The following DST variants were observed in gnomAD, a reference collection of about 807,000 sequenced individuals.
The protein encoded by DST is dystonin.
Under a neutral mutation model 875.2 loss-of-function variants are expected in DST, and 253 were observed. The ratio of observed to expected loss-of-function variants is 0.29; its 90% CI spans 0.26 to 0.32. The LOEUF (loss-of-function observed/expected upper bound fraction) is 0.32, where lower values mean the gene tolerates loss of function less well. Among genes scored for constraint, DST ranks in the 10% least tolerant of loss-of-function variants. The probability of loss-of-function intolerance (pLI) is 1.00; values close to 1 mark genes in which losing one functional copy is unlikely to be tolerated. For synonymous variants in DST, 3,124 were observed against 3,197.1 expected, an observed-to-expected ratio of 0.98 and a Z score of 0.77; for missense variants, 8,287 against 9,111.6, an observed-to-expected ratio of 0.91 and a Z score of 3.68.
Position 56,572,165 on chromosome 6 carries a change from C to A in DST, c.13656G>T (p.Leu4552Phe). 6.5e-7 allele frequency: 1 copy of A among 1,547,738 alleles called. No homozygotes were observed. The highest frequency in any genetic ancestry group is 1.4e-5 in the African/African-American group (1 of 73,728). The change falls in exon 53 of 104, where the codon TTG becomes TTT. Residue 4552 changes from leucine to phenylalanine, a missense_variant. Coordinates refer to ENST00000680361, the MANE Select transcript of DST (RefSeq NM_001374736.1). ...SSHGLPSDKA[L>F]VLEKTNNLSK... ...ACAAATTATTTGTTTTTTCAAGGAC[C>A]AAAGCCTTATCACTTGGTAAGCCAT...
rs187669128 is a variant in DST, at chr6:56,646,090, T to C, written c.1647A>G (p.Leu549=). The change falls in exon 14 of 104, where the codon TTA becomes TTG. Residue 549 remains leucine, a synonymous_variant. Coordinates refer to ENST00000680361, the MANE Select transcript of DST (RefSeq NM_001374736.1). The stretch of plus-strand genomic sequence containing the variant: ...TACAAAGCAAATTTGAGCTTACCTC[T>C]AATAATTTATATAGACGTTTAATTT... The part of the protein sequence containing the change: ...KSKIKRLYKL[L]EIWIEFGRIK... The C allele has an allele frequency of 1.3e-6, 2 of 1,544,880 alleles. No homozygotes were observed. The highest frequency in any genetic ancestry group is 2.0e-5 in the Admixed American group (1 of 49,610).
At position 56,782,998 on chromosome 6, in the gene DST, G is replaced by C. The variant is rs559965225; in HGVS notation, c.626-47709C>G. Among the ~76,000 whole-genome samples, 20 of 152,258 alleles carry C rather than the reference G, an allele frequency of 1.3e-4. No homozygotes were observed. The East Asian group carries it at 3.5e-3, about 26-fold the overall frequency. On this transcript the variant is annotated intron_variant, in intron 4 of 103. Coordinates refer to ENST00000680361, the MANE Select transcript of DST (RefSeq NM_001374736.1). ...CGTTAGGTACCCAGTAGTCATTCAG[G>C]AGCAGGTTGTTCAGTTTCCATGCAG...
chr6:56,689,823 C>A (rs2099215592), intron 9 of DST, among the ~76,000 whole-genome samples: 1 of 152,156 alleles, frequency 6.6e-6, no homozygotes, highest in Non-Finnish European at 1.5e-5. Context: ...AAACAACTAT[C>A]TTTGCCAATA....
intron 4 of DST, among the ~76,000 whole-genome samples, chr6:56,831,005 T>C (rs2099786294): frequency 6.6e-6 from 1 of 152,180 alleles, no homozygotes; most frequent in Admixed American, 6.5e-5. Flanking sequence ...GGAAGCCTGA[T>C]TTCCTTGCCT....
At chr6:56,821,325 C>T (rs1051277499) in intron 4 of DST, among the ~76,000 whole-genome samples, 1 of 152,126 alleles carries the variant, frequency 6.6e-6, no homozygotes, top group Non-Finnish European at 1.5e-5. Flanking sequence ...ATGTCAAATT[C>T]GTGGCAATGT....
intron 74 of DST, 54 bp downstream of exon 74, chr6:56,509,588 C>T (rs2096424523): frequency 1.1e-5 from 15 of 1,359,464 alleles, no homozygotes; most frequent in Middle Eastern, 1.8e-4. Context: ...GTGAGTAAAC[C>T]GCATAAACAT....
At chr6:56,873,049 G>A (rs771604323) in intron 3 of DST, among the ~76,000 whole-genome samples, 11 of 152,196 alleles carry the variant, frequency 7.2e-5, no homozygotes, top group Middle Eastern at 3.4e-3. Flanking sequence ...ACCAGGGTGC[G>A]ATGATATCCC....
chr6:56,503,049 A>G (rs968422049), intron 78 of DST, among the ~76,000 whole-genome samples: 2 of 152,156 alleles, frequency 1.3e-5, no homozygotes, highest in African/African-American at 4.8e-5. Flanking sequence ...ACAGCAATGG[A>G]AAACAACAAA....
intron 5 of DST, among the ~76,000 whole-genome samples, chr6:56,719,918 G>A (rs927819535): frequency 1.2e-4 from 19 of 152,152 alleles, no homozygotes; most frequent in African/African-American, 4.6e-4. Flanking sequence ...GGCAAATGGA[G>A]GCAGGGCGAG....
intron 3 of DST, among the ~76,000 whole-genome samples, chr6:56,892,479 T>G (rs998772344): frequency 1.3e-5 from 2 of 151,842 alleles, no homozygotes; most frequent in Non-Finnish European, 2.9e-5. Context: ...TGCACCACCA[T>G]GACTGGCTAA....
At chr6:56,896,317 A>G (rs933275059) in intron 3 of DST, among the ~76,000 whole-genome samples, 3 of 152,042 alleles carry the variant, frequency 2.0e-5, no homozygotes, top group African/African-American at 7.2e-5. Flanking sequence ...GGTCTTCCCC[A>G]TGCTATTCTC....
At chr6:56,625,303 A>T (rs775685201) in intron 34 of DST, 39 bp from the exon 35 acceptor site, 1 of 1,241,116 alleles carries the variant, frequency 8.1e-7, no homozygotes, top group East Asian at 2.3e-5. Context: ...GAATTGAAGC[A>T]AAGTACTAGA....
At position 56,608,613 on chromosome 6, in the gene DST, C is replaced by T; in HGVS notation, c.6015G>A (p.Met2005Ile). The T allele has an allele frequency of 6.2e-7, 1 of 1,613,360 alleles. No individual in the cohort carries two copies. Among genetic ancestry groups the T allele is most frequent in the Non-Finnish European group, 8.5e-7 (1 of 1,179,648 alleles). ...CTTCTCTGACAGCTTCTTCAACAGT[C>T]ATTCTTTGGCCAGAGTTGGAATTGA... ...GLINSNSGQR[M>I]TVEEAVREGV... The change falls in exon 40 of 104, where the codon ATG becomes ATA. Residue 2005 changes from methionine (M) to isoleucine (I), a missense_variant. Around this residue, in one of 10 missense-constraint regions of DST, gnomAD observed 3,138 missense variants for 3,116.6 expected, o/e 1.01. Transcript: ENST00000680361.
intron 9 of DST, among the ~76,000 whole-genome samples, chr6:56,678,221 A>G (rs988783018): frequency 3.9e-5 from 6 of 152,218 alleles, no homozygotes; most frequent in Non-Finnish European, 7.3e-5. Context: ...ACCCACCATC[A>G]GTGCTTTGTT....
chr6:56,650,536 C>T (rs1375218076), intron 12 of DST, among the ~76,000 whole-genome samples: 1 of 152,004 alleles, frequency 6.6e-6, no homozygotes, highest in Non-Finnish European at 1.5e-5. Flanking sequence ...TTCATAGAAT[C>T]GTATGAAGTA....
At chr6:56,610,682 G>T in intron 38 of DST, 120 bp from the exon 39 acceptor site, 2 of 745,478 alleles carry the variant, frequency 2.7e-6, no homozygotes, top group Non-Finnish European at 4.2e-6. Flanking sequence ...CATACATATT[G>T]CTCAGGTCTC....
intron 79 of DST, 102 bp downstream of exon 79, chr6:56,501,418 A>T: frequency 8.6e-7 from 1 of 1,160,756 alleles, no homozygotes; most frequent in South Asian, 2.0e-5. Context: ...AATAGAATAT[A>T]TGAGAAGCAG....
Position 56,473,896 on chromosome 6 carries a change from A to C in DST, c.21971T>G (p.Val7324Gly). The C allele has an allele frequency of 6.3e-7, 1 of 1,599,548 alleles. No individual in the cohort carries two copies. Among genetic ancestry groups the C allele is most frequent in the South Asian group, 1.1e-5 (1 of 88,482 alleles). ...ACTTCCTGCTCGTCCCTTATCCAAG[A>C]CTGGAATATGGGATTGTAATGAGGA... is the stretch of plus-strand genomic sequence containing the variant. ...DPSSLQSHIP[V>G]LDKGRAGRKR... The change falls in exon 93 of 104, where the codon GTC becomes GGC. Residue 7324 changes from valine to glycine, a missense_variant. By Grantham distance (109) the Val-to-Gly change is moderately radical. Transcript: ENST00000680361.
At chr6:56,536,997 T>C in intron 61 of DST, 57 bp from the exon 62 acceptor site, 7 of 1,481,232 alleles carry the variant, frequency 4.7e-6, no homozygotes, top group South Asian at 3.6e-5. Context: ...CCGCCAAATA[T>C]ATAATAAGCA....
Sources: gnomAD v4.1 joint callset for allele counts (sites outside exome capture counted in the v4.1 genomes callset) on GRCh38, gnomAD v4.1.1 for gene constraint, gnomAD v4.1.1 regional missense constraint, MANE v1.5 for transcripts, NCBI Gene and HGNC (gene_info 2026-07-23, HGNC 2026-07-21) for gene names.